The following PRNP variants were observed in gnomAD, a reference collection of about 807,000 sequenced individuals.
PRNP encodes prion protein (Kanno blood group).
In PRNP, 15 loss-of-function variants were observed where a neutral mutation model predicts 21.3. The observed-to-expected ratio is 0.71, with a 90% confidence interval of 0.47 to 1.09. The LOEUF (loss-of-function observed/expected upper bound fraction) is 1.09, where lower values mean the gene tolerates loss of function less well. PRNP is among the 50% of genes least tolerant of loss of function. The pLI is 0.00. For missense variants in PRNP, 285 were observed against 340.9 expected (o/e 0.84, Z 1.29); for synonymous variants, 121 against 123.1 (o/e 0.98, Z 0.11).
At position 4,691,694 on chromosome 20, in the gene PRNP, G is replaced by A. The variant is rs576590313; in HGVS notation, c.-11+5182G>A. On this transcript the variant is annotated intron_variant, in intron 1 of 1. Transcript: ENST00000379440. ...TTTTGTTAAGAATTTTTGCACCTAT[G>A]TTCATCAGGGATATTGGCCTATACT... Among the ~76,000 whole-genome samples, 3 of 152,256 alleles carry A rather than the reference G, an allele frequency of 2.0e-5. No individual in the cohort carries two copies. In the East Asian group the frequency reaches 5.8e-4, roughly 29 times the overall value.
chr20:4,698,363 G>T (rs1922303326), intron 1 of PRNP, among the ~76,000 whole-genome samples: 1 of 152,110 alleles, frequency 6.6e-6, no homozygotes. Flanking sequence ...TTAATCATTA[G>T]CTCTGAAGGA....
At chr20:4,687,146 C>T (rs1296558615) in intron 1 of PRNP, among the ~76,000 whole-genome samples, 1 of 152,174 alleles carries the variant, frequency 6.6e-6, no homozygotes, top group South Asian at 2.1e-4. Context: ...GCGGCCCAGC[C>T]CTTCATCCTC....
chr20:4,693,942 CAA>C (rs34756298), intron 1 of PRNP, among the ~76,000 whole-genome samples: 1 of 124,308 alleles, frequency 8.0e-6, no homozygotes. Context: ...ATTAAAAATA[CAA>C]AAAAAAAAAA....
intron 1 of PRNP, among the ~76,000 whole-genome samples, chr20:4,688,776 C>T (rs1271174603): frequency 6.6e-6 from 1 of 152,176 alleles, no homozygotes; most frequent in African/African-American, 2.4e-5. Flanking sequence ...CTTACTCTAA[C>T]GTGAACGCAT....
intron 1 of PRNP, among the ~76,000 whole-genome samples, chr20:4,691,518 T>C (rs987067312): frequency 2.0e-5 from 3 of 152,236 alleles, no homozygotes; most frequent in African/African-American, 7.2e-5. Context: ...TCTATTGAAA[T>C]GATCGTATGG....
rs1922528647 is a variant in PRNP, at chr20:4,700,372, CCTAT to C, written c.*393_*396del. ...CAGCTAGAGCTCAGTATACTAATGC[CCTAT>C]CTTAGTAGAGATTTCATAGCTATTT... On this transcript the variant is annotated 3_prime_UTR_variant, in exon 2 of 2. Transcript: ENST00000379440. The surrounding 1 kb of genome is among the most constrained non-coding windows in gnomAD (Gnocchi z 4.1). 2.6e-6 allele frequency: 1 copy of C among 383,822 alleles called. No individual in the cohort carries two copies. Among genetic ancestry groups the C allele is most frequent in the Admixed American group, 3.8e-5 (1 of 26,662 alleles). 23.8% of individuals were successfully genotyped at this position (383,822 alleles called of 1,614,324 possible).
At chr20:4,693,648 C>T (rs1321534177) in intron 1 of PRNP, among the ~76,000 whole-genome samples, 1 of 152,136 alleles carries the variant, frequency 6.6e-6, no homozygotes, top group Non-Finnish European at 1.5e-5. Context: ...ATTTGATCTC[C>T]TTTTTGGTCC....
chr20:4,686,508 G>A lies in PRNP; in HGVS notation c.-15G>A, dbSNP rs1921436242. On this transcript the variant is annotated 5_prime_UTR_variant, in exon 1 of 2. Transcript: ENST00000379440. The surrounding 1 kb of genome is among the most constrained non-coding windows in gnomAD (Gnocchi z 6.7). ...GAGCTTCTCCTCTCCTCACGACCGAGGCAGGTAAACGCCCGGGGTGGGAGG... is the reference window on the plus strand; with the variant it reads ...GAGCTTCTCCTCTCCTCACGACCGAAGCAGGTAAACGCCCGGGGTGGGAGG... 1 of 151,900 alleles carries A rather than the reference G, an allele frequency of 6.6e-6. No individual in the cohort carries two copies. Among genetic ancestry groups the A allele is most frequent in the East Asian group, 1.9e-4 (1 of 5,152 alleles). 9.4% of individuals were successfully genotyped at this position (151,900 alleles called of 1,614,324 possible).
At chr20:4,690,151 A>T (rs957636839) in intron 1 of PRNP, among the ~76,000 whole-genome samples, 6 of 151,956 alleles carry the variant, frequency 3.9e-5, no homozygotes, top group Admixed American at 2.0e-4. Context: ...TTTGTGCAAA[A>T]TTTTTTTCAG....
chr20:4,688,407 T>C (rs1217162073), intron 1 of PRNP, among the ~76,000 whole-genome samples: 1 of 152,188 alleles, frequency 6.6e-6, no homozygotes, highest in Non-Finnish European at 1.5e-5. Flanking sequence ...GATAGCTACT[T>C]TCTGCGTCTG....
chr20:4,699,325 C>T lies in PRNP; in HGVS notation c.105C>T (p.Gly35=). The T allele has an allele frequency of 9.3e-6, 15 of 1,614,082 alleles. No homozygotes were observed. Among genetic ancestry groups the T allele is most frequent in the Non-Finnish European group, 1.3e-5 (15 of 1,180,024 alleles). Residue 35 remains glycine (G), a synonymous_variant, in exon 2 of 2, where the codon GGC becomes GGT. Transcript: ENST00000379440. The surrounding 1 kb of genome is among the most constrained non-coding windows in gnomAD (Gnocchi z 5.8). ...AGCCTGGAGGATGGAACACTGGGGG[C>T]AGCCGATACCCGGGGCAGGGCAGCC... ...RPKPGGWNTG[G]SRYPGQGSPG...
At chr20:4,689,425 G>T (rs533282857) in intron 1 of PRNP, among the ~76,000 whole-genome samples, 1 of 152,268 alleles carries the variant, frequency 6.6e-6, no homozygotes, top group South Asian at 2.1e-4. Context: ...CAGAGAAATG[G>T]CCACAGATTT....
chr20:4,700,188 A>C lies in PRNP; in HGVS notation c.*206A>C. The stretch of plus-strand genomic sequence containing the variant: ...GGTCAAGCCCCCTTTGATTGAGTTC[A>C]TCATGAGCCGTTGCTAATGCCAGGC... On this transcript the variant is annotated 3_prime_UTR_variant, in exon 2 of 2. Transcript: ENST00000379440. The surrounding 1 kb of genome is among the most constrained non-coding windows in gnomAD (Gnocchi z 4.1). The C allele has an allele frequency of 1.3e-6, 2 of 1,483,970 alleles. No homozygotes were observed. The highest frequency in any genetic ancestry group is 1.8e-6 in the Non-Finnish European group (2 of 1,089,390). The allele number at this position is 1,483,970 out of a possible 1,614,324, so 91.9% of individuals were successfully genotyped here.
At chr20:4,691,522 C>A (rs912725079) in intron 1 of PRNP, among the ~76,000 whole-genome samples, 2 of 152,122 alleles carry the variant, frequency 1.3e-5, no homozygotes, top group Non-Finnish European at 2.9e-5. Flanking sequence ...TTGAAATGAT[C>A]GTATGGTTAT....
Position 4,699,141 on chromosome 20 carries a change from A to G in PRNP, c.-10-70A>G, listed in dbSNP as rs996954115. The G allele has an allele frequency of 2.4e-5, 37 of 1,567,824 alleles. No individual in the cohort carries two copies. Among genetic ancestry groups the G allele is most frequent in the Middle Eastern group, 1.7e-4 (1 of 6,000 alleles). ...TGATACCATTGCTATGCACTCATTC[A>G]TTATGCAGGAAACATTTAGTAATTT... On this transcript the variant is annotated intron_variant, in intron 1 of 1. Coordinates refer to ENST00000379440, the MANE Select transcript of PRNP (RefSeq NM_000311.5). This position sits in a 1 kb window ranked among gnomAD's most constrained non-coding sequence, Gnocchi z 5.8.
intron 1 of PRNP, among the ~76,000 whole-genome samples, chr20:4,691,741 G>T (rs920076206): frequency 6.6e-6 from 1 of 152,124 alleles, no homozygotes; most frequent in African/African-American, 2.4e-5. Flanking sequence ...GTGTGTTTTT[G>T]TGGGACTTTG....
In PRNP at chr20:4,699,008, T is replaced by C. The variant is rs981945150; in HGVS notation, c.-10-203T>C. Among the ~76,000 whole-genome samples, 63 of 152,344 alleles carry C rather than the reference T, an allele frequency of 4.1e-4. No individual in the cohort carries two copies. The highest frequency in any genetic ancestry group is 3.7e-3 in the Admixed American group (57 of 15,304). ...CAAGTCCATAACTTAGGGTCACATT[T>C]GTCCTTGGAGCAGGAGAAAGAGTTG... On this transcript the variant is annotated intron_variant, in intron 1 of 1. Coordinates refer to ENST00000379440, the MANE Select transcript of PRNP (RefSeq NM_000311.5). The surrounding 1 kb of genome is among the most constrained non-coding windows in gnomAD (Gnocchi z 5.8).
At chr20:4,692,740 A>G (rs1921911584) in intron 1 of PRNP, among the ~76,000 whole-genome samples, 1 of 152,216 alleles carries the variant, frequency 6.6e-6, no homozygotes, top group Admixed American at 6.5e-5. Context: ...TTGTATTCCT[A>G]AAATAATCCA....
Position 4,699,992 on chromosome 20 carries a change from TC to T in PRNP, c.*12del, listed in dbSNP as rs1181947961. ...CCTGATAGTGGGATGAGGAAGGTCT[TC>T]CTGTTTTCACCATCTTTCTAATCTT... is the stretch of plus-strand genomic sequence containing the variant. On this transcript the variant is annotated 3_prime_UTR_variant, in exon 2 of 2. Transcript: ENST00000379440. The surrounding 1 kb of genome is among the most constrained non-coding windows in gnomAD (Gnocchi z 5.8). The T allele has an allele frequency of 1.3e-6, 2 of 1,598,470 alleles. No homozygotes were observed. The highest frequency in any genetic ancestry group is 1.7e-6 in the Non-Finnish European group (2 of 1,172,020).
Sources: gnomAD v4.1 joint callset for allele counts (sites outside exome capture counted in the v4.1 genomes callset) on GRCh38, gnomAD v4.1.1 for gene constraint, Gnocchi (gnomAD v3.1) non-coding constraint, MANE v1.5 for transcripts, NCBI Gene and HGNC (gene_info 2026-07-23, HGNC 2026-07-21) for gene names.